Variants in CDK13 observed in about 807,000 individuals in gnomAD.
CDK13 encodes the protein cyclin dependent kinase 13, also known as cyclin-dependent kinase 13.
CDK13 carries 40 observed loss-of-function variants against 137.6 expected under a neutral mutation model. The observed-to-expected ratio is 0.29, with a 90% CI of 0.23 to 0.38. The LOEUF (loss-of-function observed/expected upper bound fraction) is 0.38, where lower values mean the gene tolerates loss of function less well. Among genes scored for constraint, CDK13 ranks in the 10% least tolerant of loss-of-function variants. The probability of loss-of-function intolerance (pLI) is 1.00; values close to 1 mark genes in which losing one functional copy is unlikely to be tolerated. For missense variants in CDK13, 1,704 were observed against 1,951.8 expected (o/e 0.87, Z 2.39); for synonymous variants, 869 against 760.1 (o/e 1.14, Z -2.36).
intron 5 of CDK13, among the ~76,000 whole-genome samples, chr7:40,036,155 CAA>C (rs1404049326): frequency 7.8e-6 from 1 of 128,404 alleles, no homozygotes; most frequent in Non-Finnish European, 1.6e-5. Flanking sequence ...GACCCTGTCT[CAA>C]AATAAATAAA....
At chr7:40,010,645 G>A (rs1485479682) in intron 5 of CDK13, among the ~76,000 whole-genome samples, 2 of 152,186 alleles carry the variant, frequency 1.3e-5, no homozygotes, top group African/African-American at 2.4e-5. Flanking sequence ...TCATGCGTCT[G>A]TACTCCAGCC....
chr7:39,960,484 C>T (rs531742741), intron 1 of CDK13, among the ~76,000 whole-genome samples: 1 of 152,156 alleles, frequency 6.6e-6, no homozygotes, highest in South Asian at 2.1e-4. Flanking sequence ...GTCTTAATCT[C>T]CTGACCTCGT....
chr7:40,021,912 T>C (rs1199527060), intron 5 of CDK13, among the ~76,000 whole-genome samples: 1 of 152,242 alleles, frequency 6.6e-6, no homozygotes, highest in Non-Finnish European at 1.5e-5. Flanking sequence ...TATCAAGGTA[T>C]ATTTATGGGA....
intron 5 of CDK13, among the ~76,000 whole-genome samples, chr7:40,016,841 A>T (rs932398649): frequency 1.3e-5 from 2 of 152,134 alleles, no homozygotes; most frequent in African/African-American, 4.8e-5. Context: ...GTTTTAAAAA[A>T]TTTTTCTCGT....
intron 5 of CDK13, among the ~76,000 whole-genome samples, chr7:40,026,094 C>CAAAA (rs2150500676): frequency 6.6e-6 from 1 of 152,318 alleles, no homozygotes; most frequent in South Asian, 2.1e-4. Context: ...AGTGGCATCT[C>CAAAA]TTTTAAGTAC....
intron 7 of CDK13, among the ~76,000 whole-genome samples, chr7:40,053,947 C>T (rs2150521724): frequency 6.6e-6 from 1 of 152,206 alleles, no homozygotes; most frequent in South Asian, 2.1e-4. Context: ...AGTGCATTTG[C>T]AAGATCACAC....
chr7:39,989,867 CTGCCTCCTGGGTTCA>C (rs1407412207), intron 2 of CDK13, among the ~76,000 whole-genome samples: 1 of 151,216 alleles, frequency 6.6e-6, no homozygotes, highest in Non-Finnish European at 1.5e-5. Context: ...ACTGCAAGCT[CTGCCTCCTGGGTTCA>C]TGCCGTTCTT....
intron 5 of CDK13, among the ~76,000 whole-genome samples, chr7:40,012,325 G>A (rs1784912737): frequency 6.6e-6 from 1 of 152,180 alleles, no homozygotes; most frequent in African/African-American, 2.4e-5. Flanking sequence ...ATTAGGTGTG[G>A]TGGCTCATAG....
intron 5 of CDK13, among the ~76,000 whole-genome samples, chr7:40,042,477 CTTTTTT>C (rs5883713): frequency 3.9e-5 from 3 of 76,146 alleles, no homozygotes; most frequent in Admixed American, 3.8e-4. Context: ...TCTTTTCTTT[CTTTTTT>C]TTTTTTTTTT....
chr7:39,957,838 C>A (rs1285997010), intron 1 of CDK13, among the ~76,000 whole-genome samples: 2 of 152,092 alleles, frequency 1.3e-5, no homozygotes, highest in East Asian at 1.9e-4. Context: ...TTTTGAAAAA[C>A]CAGTTGGAAG....
chr7:40,074,250 C>T (rs1469845456), intron 9 of CDK13, among the ~76,000 whole-genome samples: 2 of 151,922 alleles, frequency 1.3e-5, no homozygotes, highest in East Asian at 1.9e-4. Flanking sequence ...GGGCCAGGTG[C>T]GGTGGCTCAC....
At chr7:39,995,924 C>T (rs1044573107) in intron 2 of CDK13, among the ~76,000 whole-genome samples, 1 of 152,156 alleles carries the variant, frequency 6.6e-6, no homozygotes, top group African/African-American at 2.4e-5. Context: ...GCAGGAGAAT[C>T]GCTTGAACTC....
At chr7:40,015,675 AT>A (rs1399194676) in intron 5 of CDK13, among the ~76,000 whole-genome samples, 4 of 152,160 alleles carry the variant, frequency 2.6e-5, no homozygotes, top group African/African-American at 9.7e-5. Flanking sequence ...AGAAATAAAA[AT>A]TTTAGTTTTA....
Position 40,045,952 on chromosome 7 carries a change from G to A in CDK13, c.2470G>A (p.Gly824Ser). Residue 824 changes from glycine to serine, a missense_variant, in exon 6 of 14, where the codon GGT (glycine) becomes AGT (serine). Gly to Ser is a moderately conservative substitution (Grantham distance 56). Transcript: ENST00000181839. ...GTCATTTATGAGACAGCTCATGGAG[G>A]GTCTGGATTATTGTCATAAGAAGAA... Reference protein sequence around the residue: ...IKSFMRQLMEGLDYCHKKNFL... With the variant: ...IKSFMRQLMESLDYCHKKNFL... The A allele has an allele frequency of 6.2e-7, 1 of 1,612,106 alleles. No individual in the cohort carries two copies. The highest frequency in any genetic ancestry group is 8.5e-7 in the Non-Finnish European group (1 of 1,178,586).
chr7:40,079,556 A>G lies in CDK13; in HGVS notation c.3029+705A>G, dbSNP rs370446698. Among the ~76,000 whole-genome samples the G allele has an allele frequency of 3.9e-4, 60 of 152,326 alleles. 1 individual carries two copies. The South Asian group carries it at 0.012, about 31-fold the overall frequency. On this transcript the variant is annotated intron_variant, in intron 11 of 13. Coordinates refer to ENST00000181839, the MANE Select transcript of CDK13 (RefSeq NM_003718.5). Reference sequence around the variant, plus strand: ...TTTCATTTATTACATTAATCTTTATAACCTTATAAGGTAGGTATTAGTATT... The same window carrying G: ...TTTCATTTATTACATTAATCTTTATGACCTTATAAGGTAGGTATTAGTATT...
intron 1 of CDK13, among the ~76,000 whole-genome samples, chr7:39,977,475 TTGTGA>T (rs1180980313): frequency 6.6e-6 from 1 of 152,178 alleles, no homozygotes; most frequent in Non-Finnish European, 1.5e-5. Context: ...ATAAACAGAA[TTGTGA>T]TGGGATCGTA....
At chr7:40,089,027 C>T (rs549611239) in intron 12 of CDK13, among the ~76,000 whole-genome samples, 7 of 151,750 alleles carry the variant, frequency 4.6e-5, no homozygotes, top group Non-Finnish European at 8.8e-5. Flanking sequence ...TGCAGTGAGC[C>T]GAGATTGCGC....
chr7:40,081,303 C>T (rs1301376490), intron 11 of CDK13, among the ~76,000 whole-genome samples: 1 of 151,970 alleles, frequency 6.6e-6, no homozygotes, highest in Non-Finnish European at 1.5e-5. Flanking sequence ...GTAACTTTGA[C>T]CAAGAGATGT....
intron 2 of CDK13, among the ~76,000 whole-genome samples, chr7:39,989,931 C>T (rs910035978): frequency 3.5e-5 from 4 of 114,876 alleles, no homozygotes; most frequent in South Asian, 2.8e-4. Flanking sequence ...TACAGGCGCC[C>T]GCCACCAAGC....
Sources: allele counts gnomAD v4.1 joint callset (sites outside exome capture counted in the v4.1 genomes callset), GRCh38; gene constraint gnomAD v4.1.1; transcripts MANE v1.5; gene names NCBI Gene and HGNC (gene_info 2026-07-23, HGNC 2026-07-21).